Variants in SORCS3 observed in about 807,000 individuals in gnomAD.
SORCS3 encodes the protein sortilin related VPS10 domain containing receptor 3.
A neutral mutation model predicts 146.3 loss-of-function variants in SORCS3; 57 were observed. That is an observed-to-expected ratio of 0.39 (90% CI 0.31 to 0.49). The LOEUF is 0.49. Among genes scored for constraint, SORCS3 ranks in the 20% least tolerant of loss-of-function variants. The pLI is 0.92. For missense variants in SORCS3, 1,341 were observed against 1,575.5 expected (o/e 0.85, Z 2.52); for synonymous variants, 653 against 618.5 (o/e 1.06, Z -0.83).
intron 1 of SORCS3, among the ~76,000 whole-genome samples, chr10:104,690,466 G>T (rs1450498527): frequency 6.6e-6 from 1 of 152,228 alleles, no homozygotes; most frequent in African/African-American, 2.4e-5. Flanking sequence ...TCATGGAGAA[G>T]AAATGCTTTG....
At chr10:104,948,599 T>C (rs964523139) in intron 3 of SORCS3, among the ~76,000 whole-genome samples, 2 of 152,196 alleles carry the variant, frequency 1.3e-5, no homozygotes, top group African/African-American at 4.8e-5. Context: ...GCATTAACTT[T>C]CCGGTTCGAT....
chr10:104,989,177 T>C (rs2054979770), intron 4 of SORCS3, among the ~76,000 whole-genome samples: 2 of 152,208 alleles, frequency 1.3e-5, no homozygotes, highest in East Asian at 3.8e-4. Flanking sequence ...TTTTAAATGG[T>C]TTAATTAAAC....
intron 4 of SORCS3, among the ~76,000 whole-genome samples, chr10:105,031,793 T>G (rs996542463): frequency 6.6e-6 from 1 of 152,256 alleles, no homozygotes; most frequent in African/African-American, 2.4e-5. Flanking sequence ...GTTATAAACA[T>G]CTTTCCTTAT....
intron 1 of SORCS3, among the ~76,000 whole-genome samples, chr10:104,687,879 T>C (rs2016066747): frequency 6.6e-6 from 1 of 152,164 alleles, no homozygotes; most frequent in East Asian, 1.9e-4. Context: ...CATATGGTTT[T>C]CATGAGGATT....
intron 16 of SORCS3, among the ~76,000 whole-genome samples, chr10:105,210,668 G>T (rs1244077067): frequency 2.6e-5 from 4 of 152,150 alleles, no homozygotes; most frequent in African/African-American, 4.8e-5. Context: ...TAGGGAAATA[G>T]GGGCCTTTGT....
intron 7 of SORCS3, among the ~76,000 whole-genome samples, chr10:105,116,421 G>A (rs920794221): frequency 2.6e-5 from 4 of 152,188 alleles, no homozygotes; most frequent in African/African-American, 9.6e-5. Context: ...CAAAGCTGGT[G>A]GATCAGTGCT....
intron 2 of SORCS3, among the ~76,000 whole-genome samples, chr10:104,901,886 C>G (rs904042359): frequency 6.6e-6 from 1 of 152,106 alleles, no homozygotes; most frequent in Admixed American, 6.5e-5. Flanking sequence ...GAGACATTGC[C>G]CTCACTTAGG....
At chr10:105,092,608 A>ACACACAC (rs2055717825) in intron 6 of SORCS3, among the ~76,000 whole-genome samples, 2 of 147,268 alleles carry the variant, frequency 1.4e-5, no homozygotes, top group African/African-American at 5.0e-5. Context: ...TGCATTCACA[A>ACACACAC]ACACACACAC....
intron 7 of SORCS3, among the ~76,000 whole-genome samples, chr10:105,126,068 AT>A (rs2055971632): frequency 6.6e-6 from 1 of 152,140 alleles, no homozygotes; most frequent in Non-Finnish European, 1.5e-5. Flanking sequence ...ACTCTTGGGC[AT>A]TTTCTTCAAG....
intron 3 of SORCS3, 43 bp from the exon 4 acceptor site, chr10:104,977,292 C>G: frequency 6.9e-7 from 1 of 1,449,050 alleles, no homozygotes; most frequent in East Asian, 2.4e-5. Flanking sequence ...TTTATTATTT[C>G]CTACTAACTC....
At chr10:105,051,409 C>T (rs1295198319) in intron 5 of SORCS3, among the ~76,000 whole-genome samples, 2 of 152,066 alleles carry the variant, frequency 1.3e-5, no homozygotes, top group African/African-American at 4.8e-5. Flanking sequence ...TGAATTTGAG[C>T]TCTATAGATC....
At chr10:105,163,381 C>G (rs1341889790) in intron 11 of SORCS3, among the ~76,000 whole-genome samples, 2 of 152,160 alleles carry the variant, frequency 1.3e-5, no homozygotes, top group Non-Finnish European at 2.9e-5. Context: ...TAAACTCTTA[C>G]ATGTTTAGGG....
chr10:104,978,075 C>T (rs1352051729), intron 4 of SORCS3, among the ~76,000 whole-genome samples: 1 of 152,044 alleles, frequency 6.6e-6, no homozygotes, highest in Non-Finnish European at 1.5e-5. Context: ...TGACCTTATT[C>T]AAAACAACCC....
chr10:104,669,585 T>A (rs2015826308), intron 1 of SORCS3, among the ~76,000 whole-genome samples: 1 of 152,238 alleles, frequency 6.6e-6, no homozygotes, highest in African/African-American at 2.4e-5. Context: ...TTTTTAAAGC[T>A]GAATAATATT....
At chr10:104,985,250 A>G (rs1387799714) in intron 4 of SORCS3, among the ~76,000 whole-genome samples, 3 of 152,172 alleles carry the variant, frequency 2.0e-5, no homozygotes, top group Admixed American at 1.3e-4. Context: ...AACAATGTTT[A>G]CAGCATCTTT....
At chr10:105,213,553 G>GT (rs1469281674) in intron 17 of SORCS3, among the ~76,000 whole-genome samples, 3 of 152,076 alleles carry the variant, frequency 2.0e-5, no homozygotes, top group Admixed American at 6.6e-5. Context: ...CAGAACATTT[G>GT]TTTTTTCAGT....
chr10:105,233,383 A>T (rs2119695423), intron 20 of SORCS3, among the ~76,000 whole-genome samples: 1 of 152,214 alleles, frequency 6.6e-6, no homozygotes, highest in Admixed American at 6.5e-5. Flanking sequence ...TTTTTCTGTT[A>T]AGTCAATTGA....
intron 1 of SORCS3, among the ~76,000 whole-genome samples, chr10:104,667,901 G>C (rs935854906): frequency 1.3e-5 from 2 of 152,200 alleles, no homozygotes; most frequent in Non-Finnish European, 2.9e-5. Flanking sequence ...CTGCTGTGCT[G>C]GTGCCCCATG....
intron 4 of SORCS3, among the ~76,000 whole-genome samples, chr10:104,987,028 A>G (rs1199747344): frequency 1.3e-5 from 2 of 152,206 alleles, no homozygotes; most frequent in South Asian, 2.1e-4. Flanking sequence ...AAAAACCCCA[A>G]TATCTGTGAA....
Sources: allele counts gnomAD v4.1 joint callset (sites outside exome capture counted in the v4.1 genomes callset), GRCh38; gene constraint gnomAD v4.1.1; transcripts MANE v1.5; gene names NCBI Gene and HGNC (gene_info 2026-07-23, HGNC 2026-07-21).